Variants in DPH6 observed in about 807,000 individuals in gnomAD.
DPH6 encodes diphthine--ammonia ligase.
In DPH6, 33 loss-of-function variants were observed where a neutral mutation model predicts 38.2. The observed-to-expected ratio is 0.86, with a 90% CI of 0.65 to 1.15. DPH6 has a LOEUF of 1.15. DPH6 is among the 50% of genes most tolerant of loss of function. The pLI is 0.00. For synonymous variants in DPH6, 108 were observed against 103.0 expected (o/e 1.05, Z -0.30); for missense variants, 325 against 320.0 (o/e 1.02, Z -0.12).
At chr15:35,390,662 G>A (rs1188613794) in intron 6 of DPH6, among the ~76,000 whole-genome samples, 7 of 152,062 alleles carry the variant, frequency 4.6e-5, no homozygotes, top group Non-Finnish European at 1.0e-4. Flanking sequence ...CATTTGTCAC[G>A]TAGTTCTCAT....
intron 7 of DPH6, among the ~76,000 whole-genome samples, chr15:35,380,767 T>C (rs895966067): frequency 6.6e-5 from 10 of 152,198 alleles, no homozygotes; most frequent in African/African-American, 9.6e-5. Context: ...ACTTATTTTT[T>C]ACCACCTTTT....
downstream of DPH6, among the ~76,000 whole-genome samples, chr15:35,326,583 C>T (rs181273214): frequency 2.6e-5 from 4 of 152,130 alleles, no homozygotes; most frequent in Admixed American, 2.0e-4. Flanking sequence ...AGACATGCAC[C>T]ACCGTGCCCA....
chr15:35,335,999 T>G (rs910637471), intron 3 of DPH6, among the ~76,000 whole-genome samples: 2 of 152,236 alleles, frequency 1.3e-5, no homozygotes, highest in African/African-American at 4.8e-5. Flanking sequence ...ATGATATTGA[T>G]TCTTCCTATC....
intron 4 of DPH6, among the ~76,000 whole-genome samples, chr15:35,454,462 A>G (rs1455251044): frequency 2.0e-5 from 3 of 152,168 alleles, no homozygotes; most frequent in Non-Finnish European, 2.9e-5. Context: ...ACTAAATCAA[A>G]TAAGAAAAAA....
chr15:35,413,996 T>C (rs925550313), intron 5 of DPH6, among the ~76,000 whole-genome samples: 2 of 151,736 alleles, frequency 1.3e-5, no homozygotes, highest in African/African-American at 4.8e-5. Context: ...ATCTTTAGCA[T>C]CCTTTAGACC....
In DPH6 at chr15:35,535,544, T is replaced by C. The variant is rs567549810; in HGVS notation, c.312+2730A>G. ...ACATATATTTCCTATAGAGATATAG[T>C]GCTTATATGTATCTTTCTGTAACTA... is the stretch of plus-strand genomic sequence containing the variant. On this transcript the variant is annotated intron_variant, in intron 3 of 8. Coordinates refer to ENST00000256538, the MANE Select transcript of DPH6 (RefSeq NM_080650.4). Among the ~76,000 whole-genome samples, 7 of 152,290 alleles carry C rather than the reference T, an allele frequency of 4.6e-5. No homozygotes were observed. The East Asian group carries it at 1.3e-3, about 29-fold the overall frequency.
chr15:35,259,483 T>G (rs547274667), intron 3 of DPH6, among the ~76,000 whole-genome samples: 5 of 152,196 alleles, frequency 3.3e-5, no homozygotes, highest in Admixed American at 3.3e-4. Context: ...ATAAAATAGA[T>G]AATAAGATTT....
intron 3 of DPH6, among the ~76,000 whole-genome samples, chr15:35,273,023 A>T (rs909356350): frequency 1.3e-5 from 2 of 151,974 alleles, no homozygotes; most frequent in Non-Finnish European, 2.9e-5. Flanking sequence ...AAGCTTCCTG[A>T]GGACTATCAC....
chr15:35,253,273 T>C (rs2051686240), intron 3 of DPH6, among the ~76,000 whole-genome samples: 1 of 152,206 alleles, frequency 6.6e-6, no homozygotes, highest in East Asian at 1.9e-4. Flanking sequence ...GAAAGCATCA[T>C]CAAGTGAAGT....
intron 6 of DPH6, among the ~76,000 whole-genome samples, chr15:35,389,017 G>A (rs555499530): frequency 1.1e-4 from 17 of 152,162 alleles, no homozygotes; most frequent in Non-Finnish European, 2.4e-4. Context: ...CTTTGAATGT[G>A]TCCCAGAGAT....
At chr15:35,496,567 A>AAAAAAAAAAAAAATATATAT in intron 3 of DPH6, among the ~76,000 whole-genome samples, 1 of 31,014 alleles carries the variant, frequency 3.2e-5, no homozygotes, top group Non-Finnish European at 5.3e-5. Context: ...AAAAAAAAAA[A>AAAAAAAAAAAAAATATATAT]ATATATATAT....
At chr15:35,447,679 C>T (rs755982114) in intron 5 of DPH6, among the ~76,000 whole-genome samples, 11 of 152,146 alleles carry the variant, frequency 7.2e-5, no homozygotes, top group Admixed American at 2.6e-4. Context: ...CCCCTAAAGG[C>T]CTTTAAGAAT....
chr15:35,255,296 C>T (rs1165881485), intron 3 of DPH6, among the ~76,000 whole-genome samples: 1 of 152,158 alleles, frequency 6.6e-6, no homozygotes, highest in African/African-American at 2.4e-5. Flanking sequence ...CTTAAATCCC[C>T]TCAAATAGAC....
chr15:35,231,180 T>C (rs1463987039), intron 3 of DPH6, among the ~76,000 whole-genome samples: 3 of 152,228 alleles, frequency 2.0e-5, no homozygotes, highest in Non-Finnish European at 2.9e-5. Flanking sequence ...GGAATTGGAG[T>C]TCCCATCAGT....
At chr15:35,272,001 T>C (rs1172226308) in intron 3 of DPH6, among the ~76,000 whole-genome samples, 3 of 152,206 alleles carry the variant, frequency 2.0e-5, no homozygotes, top group Admixed American at 2.0e-4. Flanking sequence ...GGTGGTAAAA[T>C]ACTATCTATT....
intron 6 of DPH6, among the ~76,000 whole-genome samples, chr15:35,398,863 T>C (rs983402837): frequency 1.3e-5 from 2 of 152,158 alleles, no homozygotes; most frequent in Non-Finnish European, 2.9e-5. Context: ...ACAGTTGGTG[T>C]CTGCTGAGGA....
At chr15:35,297,364 C>T (rs1366381633) in intron 3 of DPH6, among the ~76,000 whole-genome samples, 3 of 148,302 alleles carry the variant, frequency 2.0e-5, no homozygotes, top group Non-Finnish European at 4.5e-5. Flanking sequence ...ATTAGGTTTT[C>T]ATCTCCACTG....
At chr15:35,279,560 G>A (rs2051884753) in intron 3 of DPH6, among the ~76,000 whole-genome samples, 1 of 152,092 alleles carries the variant, frequency 6.6e-6, no homozygotes, top group South Asian at 2.1e-4. Context: ...CCCACTCTGA[G>A]TTAATGCAAG....
At chr15:35,255,377 A>AAT (rs1331915678) in intron 3 of DPH6, among the ~76,000 whole-genome samples, 2 of 152,226 alleles carry the variant, frequency 1.3e-5, no homozygotes. Flanking sequence ...AGTAAAAGAG[A>AAT]AGATAAATGA....
Sources: gnomAD v4.1 joint callset for allele counts (sites outside exome capture counted in the v4.1 genomes callset) on GRCh38, gnomAD v4.1.1 for gene constraint, MANE v1.5 for transcripts, NCBI Gene and HGNC (gene_info 2026-07-23, HGNC 2026-07-21) for gene names.